SYT1: variants seen among roughly 807,000 people sequenced by gnomAD.
The protein encoded by SYT1 is synaptotagmin 1.
In SYT1, 8 loss-of-function variants were observed where a neutral mutation model predicts 44.8. The ratio of observed to expected loss-of-function variants is 0.18; its 90% CI spans 0.10 to 0.32. The LOEUF is 0.32. SYT1 is among the 10% of genes least tolerant of loss of function. SYT1 has a pLI of 1.00. For synonymous variants in SYT1, 154 were observed against 188.8 expected, an observed-to-expected ratio of 0.82 and a Z score of 1.51; for missense variants, 286 against 509.3, an observed-to-expected ratio of 0.56 and a Z score of 4.22.
At chr12:79,064,910 T>C (rs1875657679) in intron 3 of SYT1, among the ~76,000 whole-genome samples, 2 of 130,194 alleles carry the variant, frequency 1.5e-5, no homozygotes, top group Non-Finnish European at 3.3e-5. Flanking sequence ...CCCCACTCTT[T>C]AGACAAAAAA....
intron 3 of SYT1, among the ~76,000 whole-genome samples, chr12:79,185,021 A>C (rs1320301368): frequency 6.6e-6 from 1 of 152,006 alleles, no homozygotes; most frequent in African/African-American, 2.4e-5. Flanking sequence ...AGCAAACAGA[A>C]ATGTCACCTA....
chr12:78,993,609 C>T (rs1870167720), intron 2 of SYT1, among the ~76,000 whole-genome samples: 1 of 152,198 alleles, frequency 6.6e-6, no homozygotes, highest in African/African-American at 2.4e-5. Flanking sequence ...AAAACACACT[C>T]TGCATTTATT....
intron 3 of SYT1, among the ~76,000 whole-genome samples, chr12:79,179,538 G>GATATGTCT (rs1872368979): frequency 3.3e-5 from 1 of 30,102 alleles, no homozygotes; most frequent in Non-Finnish European, 8.2e-5. Flanking sequence ...TATAGATATA[G>GATATGTCT]ATATAGAGAT....
intron 3 of SYT1, among the ~76,000 whole-genome samples, chr12:79,192,084 A>G (rs756447324): frequency 3.3e-5 from 5 of 152,096 alleles, no homozygotes; most frequent in African/African-American, 4.8e-5. Flanking sequence ...CATTAGGGGG[A>G]TGCTTTGGCA....
intron 2 of SYT1, among the ~76,000 whole-genome samples, chr12:78,980,230 A>C (rs1288794616): frequency 6.6e-6 from 1 of 152,180 alleles, no homozygotes; most frequent in African/African-American, 2.4e-5. Context: ...GAATGTCGTG[A>C]TTACCTCAGG....
At chr12:78,996,846 C>A (rs1870411372) in intron 2 of SYT1, among the ~76,000 whole-genome samples, 1 of 152,172 alleles carries the variant, frequency 6.6e-6, no homozygotes, top group Non-Finnish European at 1.5e-5. Context: ...AACTCAGAAA[C>A]AGAGTTTGGA....
At chr12:78,998,538 T>TC (rs1370775849) in intron 2 of SYT1, among the ~76,000 whole-genome samples, 1 of 152,148 alleles carries the variant, frequency 6.6e-6, no homozygotes, top group African/African-American at 2.4e-5. Flanking sequence ...GAGTAAGATT[T>TC]GCTGAAAGGA....
intron 3 of SYT1, among the ~76,000 whole-genome samples, chr12:79,054,020 C>G (rs975412372): frequency 2.0e-5 from 3 of 151,994 alleles, no homozygotes; most frequent in Non-Finnish European, 4.4e-5. Flanking sequence ...TGTTTTGTGT[C>G]AGCTGTTTAG....
intron 9 of SYT1, among the ~76,000 whole-genome samples, chr12:79,421,061 T>C (rs1411827222): frequency 6.6e-6 from 1 of 152,152 alleles, no homozygotes; most frequent in Non-Finnish European, 1.5e-5. Context: ...ACATGGCTGC[T>C]TTAGGAGGGA....
At chr12:79,087,288 T>A (rs1372624291) in intron 3 of SYT1, among the ~76,000 whole-genome samples, 2 of 152,068 alleles carry the variant, frequency 1.3e-5, no homozygotes, top group African/African-American at 2.4e-5. Flanking sequence ...AGAAGGAGAG[T>A]TATCACAAGT....
intron 2 of SYT1, among the ~76,000 whole-genome samples, chr12:79,019,478 GAA>G (rs1436334978): frequency 2.0e-5 from 3 of 152,006 alleles, no homozygotes; most frequent in Non-Finnish European, 2.9e-5. Flanking sequence ...TAATCATAAT[GAA>G]GTTAAAAGTT....
At chr12:79,084,433 T>C (rs947950064) in intron 3 of SYT1, among the ~76,000 whole-genome samples, 1 of 152,142 alleles carries the variant, frequency 6.6e-6, no homozygotes. Flanking sequence ...CAAATAACCA[T>C]GCAGTGGTGA....
intron 1 of SYT1, among the ~76,000 whole-genome samples, chr12:78,924,456 A>G (rs1877186580): frequency 6.6e-6 from 1 of 151,614 alleles, no homozygotes; most frequent in South Asian, 2.1e-4. Flanking sequence ...TGATTGCTAA[A>G]TAGAGATTTT....
At chr12:79,448,649 C>G (rs556454523) in intron 10 of SYT1, among the ~76,000 whole-genome samples, 2 of 152,202 alleles carry the variant, frequency 1.3e-5, no homozygotes, top group Non-Finnish European at 2.9e-5. Context: ...TATAACTTCT[C>G]AGAGCTTCAA....
At chr12:79,431,865 C>G (rs1011141362) in intron 9 of SYT1, among the ~76,000 whole-genome samples, 3 of 152,080 alleles carry the variant, frequency 2.0e-5, no homozygotes. Context: ...TGCCTGGCCC[C>G]ATAGTTTATT....
At chr12:79,064,972 GAA>G (rs1191624097) in intron 3 of SYT1, among the ~76,000 whole-genome samples, 1 of 148,214 alleles carries the variant, frequency 6.7e-6, no homozygotes, top group South Asian at 2.3e-4. Context: ...AAGAAAGAAA[GAA>G]AGAAAGAAAG....
At position 79,271,355 on chromosome 12, in the gene SYT1, A is replaced by G. The variant is rs538973485; in HGVS notation, c.167-14432A>G. On this transcript the variant is annotated intron_variant, in intron 4 of 10. Coordinates refer to ENST00000261205, the MANE Select transcript of SYT1 (RefSeq NM_005639.3). The stretch of plus-strand genomic sequence containing the variant: ...GAGTTATATTTTTATTGTAGAAAGA[A>G]TATTTGTTAGTTGGCTTCACAATAG... Among the ~76,000 whole-genome samples the G allele has an allele frequency of 3.9e-5, 6 of 152,282 alleles. No homozygotes were observed. In the South Asian group the frequency reaches 1.0e-3, roughly 26 times the overall value.
intron 4 of SYT1, among the ~76,000 whole-genome samples, chr12:79,276,844 A>C (rs1013265698): frequency 4.6e-5 from 7 of 151,966 alleles, no homozygotes; most frequent in African/African-American, 1.7e-4. Context: ...TAACAAAAAC[A>C]AAAAGAAATA....
Position 79,349,033 on chromosome 12 carries a change from AAAAGAAAG to A in SYT1, c.811-4452_811-4445del, listed in dbSNP as rs764396345. Among the ~76,000 whole-genome samples, 44 of 120,280 alleles carry A rather than the reference AAAAGAAAG, an allele frequency of 3.7e-4. No individual in the cohort carries two copies. The East Asian group carries it at 4.9e-3, about 13-fold the overall frequency. The allele number at this position is 120,280 out of a possible 152,430, so 78.9% of individuals were successfully genotyped here. A position where few individuals can be genotyped will look rare whatever the true frequency, so the allele number is the denominator to read the frequency against. ...AAAGAAAGAAAGAAAGAAAGAAAGA[AAAAGAAAG>A]AAAGAAAGAAAGAAAGGAGGGAGGG... On this transcript the variant is annotated intron_variant, in intron 8 of 10. Transcript: ENST00000261205.
Sources: gnomAD v4.1 joint callset for allele counts (sites outside exome capture counted in the v4.1 genomes callset) on GRCh38, gnomAD v4.1.1 for gene constraint, MANE v1.5 for transcripts, NCBI Gene and HGNC (gene_info 2026-07-23, HGNC 2026-07-21) for gene names.